Variants in TFDP1 observed in about 807,000 individuals in gnomAD.
TFDP1 encodes the protein DRTF1-polypeptide 1.
A neutral mutation model predicts 48.0 loss-of-function variants in TFDP1; 6 were observed. That is an observed-to-expected ratio of 0.13 (90% CI 0.07 to 0.25). TFDP1 has a LOEUF of 0.25. Among genes scored for constraint, TFDP1 ranks in the 10% least tolerant of loss-of-function variants. The pLI is 1.00. For synonymous variants in TFDP1, 201 were observed against 211.6 expected (o/e 0.95, Z 0.44); for missense variants, 335 against 543.0 (o/e 0.62, Z 3.81).
chr13:113,639,752 C>G (rs1055861266), intron 11 of TFDP1, among the ~76,000 whole-genome samples: 1 of 152,198 alleles, frequency 6.6e-6, no homozygotes, highest in Non-Finnish European at 1.5e-5. Flanking sequence ...CTCTTTTTTC[C>G]TGTTGCTGGT....
intron 3 of TFDP1, among the ~76,000 whole-genome samples, chr13:113,612,211 A>G (rs764890683): frequency 7.2e-5 from 11 of 152,046 alleles, no homozygotes; most frequent in Non-Finnish European, 1.2e-4. Context: ...TCCAACCCCT[A>G]CATGCTGTGG....
chr13:113,638,133 T>C (rs1171437203), intron 11 of TFDP1, among the ~76,000 whole-genome samples: 4 of 152,190 alleles, frequency 2.6e-5, no homozygotes, highest in Non-Finnish European at 5.9e-5. Context: ...TTTCATAGTA[T>C]CACCTAATAA....
intron 9 of TFDP1, 111 bp downstream of exon 9, chr13:113,636,239 G>A: frequency 7.1e-7 from 1 of 1,414,094 alleles, no homozygotes; most frequent in South Asian, 1.3e-5. Context: ...AATAGCAAAT[G>A]TTGCACAAAT....
intron 1 of TFDP1, chr13:113,585,345 G>A (rs1197835346): frequency 6.6e-6 from 1 of 151,926 alleles, no homozygotes; most frequent in Non-Finnish European, 1.5e-5. Context: ...CAGAGTTACC[G>A]GTCAGCCGGG....
chr13:113,637,456 C>G (rs1376666693), intron 10 of TFDP1, among the ~76,000 whole-genome samples: 1 of 152,210 alleles, frequency 6.6e-6, no homozygotes, highest in Non-Finnish European at 1.5e-5. Context: ...CTGTCCCGTG[C>G]TTCATGGAGC....
chr13:113,635,544 C>T (rs2049461557), intron 8 of TFDP1, among the ~76,000 whole-genome samples: 1 of 152,174 alleles, frequency 6.6e-6, no homozygotes, highest in Admixed American at 6.5e-5. Context: ...AGAGGAGCAC[C>T]CCTGCAGCAC....
At chr13:113,610,050 G>A (rs1162245389) in intron 2 of TFDP1, among the ~76,000 whole-genome samples, 1 of 152,280 alleles carries the variant, frequency 6.6e-6, no homozygotes, top group Non-Finnish European at 1.5e-5. Flanking sequence ...GCAGGATGAG[G>A]TTGACAGTTC....
At chr13:113,637,382 G>A in intron 10 of TFDP1, 1 of 354,030 alleles carries the variant, frequency 2.8e-6, no homozygotes, top group South Asian at 2.2e-5. Flanking sequence ...AATCTGGCTG[G>A]TCCATGTTGT....
At chr13:113,628,601 C>T (rs1352384434) in intron 4 of TFDP1, among the ~76,000 whole-genome samples, 5 of 152,254 alleles carry the variant, frequency 3.3e-5, no homozygotes, top group African/African-American at 9.6e-5. Flanking sequence ...GTGGGACCCA[C>T]AGCCTCCCAG....
At chr13:113,613,587 A>T (rs1594468452) in intron 3 of TFDP1, among the ~76,000 whole-genome samples, 2 of 104,126 alleles carry the variant, frequency 1.9e-5, no homozygotes, top group African/African-American at 6.2e-5. Context: ...TGTGTGCATG[A>T]GTGTGTGTGT....
At chr13:113,593,329 G>A (rs2048195429) in intron 2 of TFDP1, among the ~76,000 whole-genome samples, 1 of 134,844 alleles carries the variant, frequency 7.4e-6, no homozygotes, top group African/African-American at 3.0e-5. Context: ...CAGGTCCTCA[G>A]CCCTGCCCAG....
intron 2 of TFDP1, among the ~76,000 whole-genome samples, chr13:113,592,640 C>T (rs1274556265): frequency 1.3e-5 from 2 of 152,214 alleles, no homozygotes; most frequent in Non-Finnish European, 2.9e-5. Context: ...CAGTGTGATC[C>T]GCTCCAGTGA....
intron 4 of TFDP1, among the ~76,000 whole-genome samples, chr13:113,624,909 C>G (rs553374004): frequency 5.5e-5 from 8 of 145,094 alleles, no homozygotes; most frequent in Non-Finnish European, 1.0e-4. Context: ...CGGTGTCTCT[C>G]ACTTGTCCTC....
At chr13:113,601,544 G>T (rs945038505) in intron 2 of TFDP1, among the ~76,000 whole-genome samples, 14 of 152,240 alleles carry the variant, frequency 9.2e-5, no homozygotes, top group Admixed American at 9.2e-4. Flanking sequence ...CCACTTGGGG[G>T]CCCCTGCAGG....
At chr13:113,615,089 CGAG>C (rs1438655394) in intron 3 of TFDP1, among the ~76,000 whole-genome samples, 2 of 152,158 alleles carry the variant, frequency 1.3e-5, no homozygotes, top group African/African-American at 4.8e-5. Context: ...GCACCAAACT[CGAG>C]ACATTTTGCA....
chr13:113,589,682 AT>A (rs1435539144), intron 2 of TFDP1, among the ~76,000 whole-genome samples: 1 of 152,122 alleles, frequency 6.6e-6, no homozygotes, highest in Non-Finnish European at 1.5e-5. Context: ...CCGTCCTCAG[AT>A]TCAGTCTTGG....
At chr13:113,597,948 G>A (rs933554540) in intron 2 of TFDP1, among the ~76,000 whole-genome samples, 1 of 152,188 alleles carries the variant, frequency 6.6e-6, no homozygotes, top group African/African-American at 2.4e-5. Context: ...CGGGAGAGGT[G>A]GAGTCTCCGA....
At chr13:113,634,335 G>A (rs1390393728) in intron 7 of TFDP1, 199 bp from the exon 8 acceptor site, 1 of 634,364 alleles carries the variant, frequency 1.6e-6, no homozygotes, top group African/African-American at 1.8e-5. Flanking sequence ...AGAGGAAAGG[G>A]GAGAAGGTAT....
intron 2 of TFDP1, among the ~76,000 whole-genome samples, chr13:113,591,009 CAAAAAAAAA>C (rs71101595): frequency 1.7e-5 from 1 of 59,858 alleles, no homozygotes; most frequent in African/African-American, 7.0e-5. Flanking sequence ...GACTCTGTCT[CAAAAAAAAA>C]AAAAAAAAAA....
Sources: gnomAD v4.1 joint callset for allele counts (sites outside exome capture counted in the v4.1 genomes callset) on GRCh38, gnomAD v4.1.1 for gene constraint, MANE v1.5 for transcripts, NCBI Gene and HGNC (gene_info 2026-07-23, HGNC 2026-07-21) for gene names.